SHPRH: variants seen among roughly 807,000 people sequenced by gnomAD.
SHPRH encodes the protein SNF2 histone linker PHD RING helicase.
In SHPRH, 106 loss-of-function variants were observed where a neutral mutation model predicts 202.5. The observed-to-expected ratio is 0.52, with a 90% CI of 0.45 to 0.62. SHPRH has a LOEUF of 0.62. SHPRH is among the 20% of genes least tolerant of loss of function. SHPRH has a pLI of 0.00. For synonymous variants in SHPRH, 729 were observed against 686.0 expected, an observed-to-expected ratio of 1.06 and a Z score of -0.98; for missense variants, 1,710 against 2,020.0, an observed-to-expected ratio of 0.85 and a Z score of 2.94.
At chr6:145,877,742 T>C (rs552879415) in intron 2 of SHPRH, 1 of 152,334 alleles carries the variant, frequency 6.6e-6, no homozygotes, top group East Asian at 1.9e-4. Flanking sequence ...GAGAGATTCT[T>C]CTGAACAATA....
intron 28 of SHPRH, among the ~76,000 whole-genome samples, chr6:145,891,031 C>T (rs189066768): frequency 6.6e-6 from 1 of 152,244 alleles, no homozygotes; most frequent in Non-Finnish European, 1.5e-5. Flanking sequence ...CCTTGCTCCC[C>T]TTCACTCCCA....
At chr6:145,876,011 C>T (rs1177529204) in intron 2 of SHPRH, among the ~76,000 whole-genome samples, 1 of 152,158 alleles carries the variant, frequency 6.6e-6, no homozygotes, top group East Asian at 1.9e-4. Flanking sequence ...CTTCGAGATA[C>T]AATTCACACA....
chr6:145,921,508 T>C (rs1231730423), intron 20 of SHPRH, 116 bp from the exon 21 acceptor site: 1 of 956,524 alleles, frequency 1.0e-6, no homozygotes, highest in Admixed American at 2.8e-5. Context: ...AAAGCAACCT[T>C]GAAAAAGCTG....
rs1780903123 is a variant in SHPRH, at chr6:145,885,304, T to C, written c.*1387A>G. On this transcript the variant is annotated 3_prime_UTR_variant, in exon 30 of 30. Transcript: ENST00000275233. Reference sequence around the variant, plus strand: ...ATTTAATTTCATATAAAAGAATCAATGGATACCTCCTTTTAACTGAAGAAT... The same window carrying C: ...ATTTAATTTCATATAAAAGAATCAACGGATACCTCCTTTTAACTGAAGAAT... 6.6e-6 allele frequency: 1 copy of C among 152,514 alleles called. No individual in the cohort carries two copies. Among genetic ancestry groups the C allele is most frequent in the African/African-American group, 2.4e-5 (1 of 41,466 alleles). The allele number at this position is 152,514 out of a possible 1,614,324, so 9.4% of individuals were successfully genotyped here. A position where few individuals can be genotyped will look rare whatever the true frequency, so the allele number is the denominator to read the frequency against.
At chr6:145,953,773 T>C (rs1788216163) in intron 2 of SHPRH, among the ~76,000 whole-genome samples, 1 of 152,094 alleles carries the variant, frequency 6.6e-6, no homozygotes, top group African/African-American at 2.4e-5. Flanking sequence ...GAAGAATGGG[T>C]ATTATTTACA....
rs570352456 is a variant in SHPRH at position 145,885,279 on chromosome 6, A to G, written c.*1412T>C. ...GAAGAGCTATAAAAATAACAGTTTG[A>G]TTTAATTTCATATAAAAGAATCAAT... is the stretch of plus-strand genomic sequence containing the variant. On this transcript the variant is annotated 3_prime_UTR_variant, in exon 30 of 30. Transcript: ENST00000275233. 4 of 152,532 alleles carry G rather than the reference A, an allele frequency of 2.6e-5. No individual in the cohort carries two copies. The highest frequency in any genetic ancestry group is 1.9e-4 in the East Asian group (1 of 5,190). 9.4% of individuals were successfully genotyped at this position (152,532 alleles called of 1,614,324 possible).
intron 2 of SHPRH, among the ~76,000 whole-genome samples, chr6:145,867,110 A>T (rs901273659): frequency 6.6e-6 from 1 of 152,154 alleles, no homozygotes; most frequent in Non-Finnish European, 1.5e-5. Context: ...AGGTCACTAT[A>T]GGGGAAATAT....
rs190155344 is a variant in SHPRH at position 145,906,420 on chromosome 6, C to T, written c.4515+4028G>A. On this transcript the variant is annotated intron_variant, in intron 25 of 29. Coordinates refer to ENST00000275233, the MANE Select transcript of SHPRH (RefSeq NM_001042683.3). ...TCCTCTCTGGAATGACTATGATCTC[C>T]CATTCTCAGATAAGAACACCTATGC... is the stretch of plus-strand genomic sequence containing the variant. The T allele has an allele frequency of 2.1e-3, 327 of 152,204 alleles. 2 individuals carry two copies. The highest frequency in any genetic ancestry group is 7.1e-3 in the African/African-American group (297 of 41,550). The allele number at this position is 152,204 out of a possible 1,614,324, so 9.4% of individuals were successfully genotyped here.
At chr6:145,867,672 A>AGAGAGG (rs1779861928) in intron 2 of SHPRH, among the ~76,000 whole-genome samples, 1 of 134,296 alleles carries the variant, frequency 7.4e-6, no homozygotes, top group Non-Finnish European at 1.6e-5. Context: ...AGAGAGAGAG[A>AGAGAGG]GGTGAAGGAA....
At chr6:145,922,400 G>A (rs755997048) in intron 19 of SHPRH, 52 bp from the exon 20 acceptor site, 3 of 1,519,856 alleles carry the variant, frequency 2.0e-6, no homozygotes, top group East Asian at 2.5e-5. Context: ...CAGCAATCTG[G>A]TAATTTTAAG....
At chr6:145,957,502 A>G (rs1238262455) in intron 1 of SHPRH, among the ~76,000 whole-genome samples, 1 of 152,200 alleles carries the variant, frequency 6.6e-6, no homozygotes, top group African/African-American at 2.4e-5. Flanking sequence ...GAACTCTCAC[A>G]AATTAATAGT....
chr6:145,926,821 AT>A (rs1279429493), intron 15 of SHPRH, among the ~76,000 whole-genome samples: 2 of 151,966 alleles, frequency 1.3e-5, no homozygotes, highest in African/African-American at 4.8e-5. Flanking sequence ...CATTAGATAG[AT>A]TTTATTGCTT....
At position 145,927,084 on chromosome 6, in the gene SHPRH, G is replaced by C. The variant is rs73582116; in HGVS notation, c.3201+105C>G. On this transcript the variant is annotated intron_variant, in intron 15 of 29. Coordinates refer to ENST00000275233, the MANE Select transcript of SHPRH (RefSeq NM_001042683.3). ...AAGACTGAATCCCAAGTTTCACCCA[G>C]TGATTATGACTGTTTGTTACCATTT... The C allele has an allele frequency of 0.021, 20,290 of 986,074 alleles. 2,524 individuals carry two copies. The African/African-American group carries it at 0.28, about 13-fold the overall frequency. 61.1% of individuals were successfully genotyped at this position (986,074 alleles called of 1,614,324 possible). A position where few individuals can be genotyped will look rare whatever the true frequency, so the allele number is the denominator to read the frequency against.
intron 14 of SHPRH, among the ~76,000 whole-genome samples, chr6:145,932,052 T>TC (rs981239666): frequency 6.6e-6 from 1 of 152,128 alleles, no homozygotes; most frequent in African/African-American, 2.4e-5. Context: ...TTGATTTTTT[T>TC]CTTAGGCGGT....
chr6:145,903,963 C>G (rs1782727514), intron 25 of SHPRH: 1 of 152,000 alleles, frequency 6.6e-6, no homozygotes, highest in Non-Finnish European at 1.5e-5. Context: ...CACACTGTTG[C>G]TAGGGAAGAA....
At chr6:145,947,758 A>C (rs1160230276) in intron 5 of SHPRH, 115 bp from the exon 6 acceptor site, 1 of 1,298,476 alleles carries the variant, frequency 7.7e-7, no homozygotes. Context: ...AAGTTTATTG[A>C]AACTATATTT....
At chr6:145,921,451 T>G in intron 20 of SHPRH, 59 bp from the exon 21 acceptor site, 3 of 1,470,656 alleles carry the variant, frequency 2.0e-6, no homozygotes, top group Non-Finnish European at 2.8e-6. Context: ...AAAGCAACCT[T>G]CAATGTGAGT....
At chr6:145,881,814 G>GA (rs1438805929), downstream of SHPRH, among the ~76,000 whole-genome samples, 1 of 151,978 alleles carries the variant, frequency 6.6e-6, no homozygotes, top group Non-Finnish European at 1.5e-5. Context: ...GAAAGGAAGG[G>GA]AAAAAAAGAG....
At chr6:145,874,941 T>C (rs1321650398) in intron 2 of SHPRH, among the ~76,000 whole-genome samples, 1 of 152,232 alleles carries the variant, frequency 6.6e-6, no homozygotes, top group East Asian at 1.9e-4. Flanking sequence ...ATCGATTTTT[T>C]TCTTTTGGTA....
Sources: gnomAD v4.1 joint callset for allele counts (sites outside exome capture counted in the v4.1 genomes callset) on GRCh38, gnomAD v4.1.1 for gene constraint, MANE v1.5 for transcripts, NCBI Gene and HGNC (gene_info 2026-07-23, HGNC 2026-07-21) for gene names.